MUC12: variants seen among roughly 807,000 people sequenced by gnomAD.
MUC12 encodes mucin-12.
A neutral mutation model predicts 230.8 loss-of-function variants in MUC12; 172 were observed. The ratio of observed to expected loss-of-function variants is 0.75; its 90% CI spans 0.66 to 0.85. The LOEUF is 0.85. Ranked by LOEUF, MUC12 falls within the 40% of genes least tolerant of loss-of-function variation. MUC12 has a pLI of 0.00. For synonymous variants in MUC12, 1,259 were observed against 2,401.9 expected (o/e 0.52, Z 13.91); for missense variants, 3,506 against 5,920.6 (o/e 0.59, Z 13.38).
At chr7:101,005,756 T>A (rs1482673928) in intron 2 of MUC12, among the ~76,000 whole-genome samples, 1 of 151,954 alleles carries the variant, frequency 6.6e-6, no homozygotes, top group African/African-American at 2.4e-5. Context: ...GTGGTTTTAT[T>A]TATGTATTTA....
chr7:100,984,023 G>A (rs562622790), intron 1 of MUC12, among the ~76,000 whole-genome samples: 22 of 152,178 alleles, frequency 1.4e-4, no homozygotes, highest in African/African-American at 4.6e-4. Flanking sequence ...CTGTCTCCTC[G>A]TTGTACTGAG....
In MUC12 at chr7:101,004,362, A is replaced by T. The variant is rs772054062; in HGVS notation, c.13799A>T (p.Glu4600Val). The T allele has an allele frequency of 1.4e-6, 2 of 1,423,542 alleles. No homozygotes were observed. The highest frequency in any genetic ancestry group is 1.9e-6 in the Non-Finnish European group (2 of 1,077,638). 88.2% of individuals were successfully genotyped at this position (1,423,542 alleles called of 1,614,324 possible). A position where few individuals can be genotyped will look rare whatever the true frequency, so the allele number is the denominator to read the frequency against. ...PARSTTSGLV[E>V]ESTAYHSSPG... ...CGCTCCACAACCTCAGGCCTCGTTG[A>T]AGAATCTACGGCGTACCACAGCAGC... The change falls in exon 2 of 12, where the codon GAA (glutamate) becomes GTA (valine). Residue 4600 changes from glutamate to valine, a missense_variant. Glu to Val is a moderately radical substitution (Grantham distance 121). Transcript: ENST00000536621.
intron 9 of MUC12, chr7:101,015,404 A>C: frequency 1.8e-6 from 1 of 571,404 alleles, no homozygotes; most frequent in Non-Finnish European, 3.1e-6. Context: ...CACTAAAGGG[A>C]GTGAGGGGCA....
In MUC12 at chr7:101,013,213, C is replaced by T. The variant is rs1793863798; in HGVS notation, c.15638+71C>T. On this transcript the variant is annotated intron_variant, in intron 8 of 11. Coordinates refer to ENST00000536621, the MANE Select transcript of MUC12 (RefSeq NM_001164462.2). Reference sequence around the variant, plus strand: ...GGCCCTCCCCCTCCCCAGCAGTCACCCACAGGGTTGGGGGATTGAGTAGAG... The same window carrying T: ...GGCCCTCCCCCTCCCCAGCAGTCACTCACAGGGTTGGGGGATTGAGTAGAG... 6.0e-6 allele frequency: 9 copies of T among 1,505,622 alleles called. No homozygotes were observed. In the African/African-American group the frequency reaches 8.3e-5, roughly 14 times the overall value. 93.3% of individuals were successfully genotyped at this position (1,505,622 alleles called of 1,614,324 possible).
rs1793341725 is a variant in MUC12, at chr7:100,992,411, C to A, written c.1848C>A (p.His616Gln). The A allele has an allele frequency of 6.5e-7, 1 of 1,537,542 alleles. No individual in the cohort carries two copies. Among genetic ancestry groups the A allele is most frequent in the African/African-American group, 1.4e-5 (1 of 73,150 alleles). Residue 616 changes from histidine to glutamine, a missense_variant, in exon 2 of 12, where the codon CAC (histidine) becomes CAA (glutamine). Physicochemically the swap from His to Gln is conservative, Grantham distance 24. Coordinates refer to ENST00000536621, the MANE Select transcript of MUC12 (RefSeq NM_001164462.2). Reference protein sequence around the residue: ...MPVHSSTRSPHTTLSPAGSTT... With the variant: ...MPVHSSTRSPQTTLSPAGSTT... Reference sequence around the variant, plus strand: ...TCCACAGCAGCACCAGATCGCCACACACAACACTGTCCCCTGCCGGCTCTA... The same window carrying A: ...TCCACAGCAGCACCAGATCGCCACAAACAACACTGTCCCCTGCCGGCTCTA...
Position 101,004,617 on chromosome 7 carries a change from C to T in MUC12, c.14054C>T (p.Ala4685Val), listed in dbSNP as rs577253272. 59 of 1,536,834 alleles carry T rather than the reference C, an allele frequency of 3.8e-5. No homozygotes were observed. In the South Asian group the frequency reaches 6.7e-4, roughly 17 times the overall value. ...TTSGRSEESTASHSSPDTNGI... is the reference protein window; with the variant it reads ...TTSGRSEESTVSHSSPDTNGI... ...TCCGGCCGTAGTGAGGAATCAACAG[C>T]ATCCCACAGCAGCCCAGATACAAAT... is the stretch of plus-strand genomic sequence containing the variant. The change falls in exon 2 of 12, where the codon GCA becomes GTA. Residue 4685 changes from alanine to valine, a missense_variant. Transcript: ENST00000536621.
intron 1 of MUC12, among the ~76,000 whole-genome samples, chr7:100,986,654 C>T (rs770009745): frequency 8.5e-5 from 13 of 152,252 alleles, no homozygotes; most frequent in South Asian, 2.1e-4. Context: ...TTTCATGACT[C>T]GGTAAAACTG....
chr7:101,018,447 T>TC, intron 11 of MUC12, 148 bp from the exon 12 acceptor site: 1 of 10,060 alleles, frequency 9.9e-5, no homozygotes, highest in Non-Finnish European at 2.2e-4. Flanking sequence ...CGCCACTCCC[T>TC]CCTCTCCCTA....
intron 1 of MUC12, among the ~76,000 whole-genome samples, chr7:100,981,688 G>A (rs1793108579): frequency 6.6e-6 from 1 of 152,094 alleles, no homozygotes; most frequent in African/African-American, 2.4e-5. Flanking sequence ...AAAATGGTAT[G>A]AATCCAGGAA....
intron 1 of MUC12, among the ~76,000 whole-genome samples, chr7:100,983,783 C>T (rs926370578): frequency 1.3e-5 from 2 of 152,126 alleles, no homozygotes; most frequent in Non-Finnish European, 2.9e-5. Flanking sequence ...CCATAAACGT[C>T]CTTTATATGC....
Position 101,004,674 on chromosome 7 carries a change from C to G in MUC12, c.14111C>G (p.Thr4704Ser), listed in dbSNP as rs1366889325. 2.0e-6 allele frequency: 3 copies of G among 1,537,894 alleles called. No homozygotes were observed. The highest frequency in any genetic ancestry group is 2.0e-5 in the Admixed American group (1 of 51,006). ...ACACCCTTACCTGCCCATTTTACTACCTCAGGCCGCATTGCAGAATCTACC... is the reference window on the plus strand; with the variant it reads ...ACACCCTTACCTGCCCATTTTACTAGCTCAGGCCGCATTGCAGAATCTACC... ...GITPLPAHFT[T>S]SGRIAESTTF... The change falls in exon 2 of 12, where the codon ACC becomes AGC. Residue 4704 changes from threonine to serine, a missense_variant. Thr to Ser is a moderately conservative substitution (Grantham distance 58, BLOSUM62 1). Coordinates refer to ENST00000536621, the MANE Select transcript of MUC12 (RefSeq NM_001164462.2).
At position 101,009,082 on chromosome 7, in the gene MUC12, T is replaced by C. The variant is rs375004644; in HGVS notation, c.15187-13T>C. 1.8e-5 allele frequency: 27 copies of C among 1,537,612 alleles called. No individual in the cohort carries two copies. In the African/African-American group the frequency reaches 3.4e-4, roughly 19 times the overall value. Reference sequence around the variant, plus strand: ...CTAGCTTTGTGTGACCTTCGCTGCCTTGTTTCTTTCAGATGGATGTCGTTT... The same window carrying C: ...CTAGCTTTGTGTGACCTTCGCTGCCCTGTTTCTTTCAGATGGATGTCGTTT... On this transcript the variant is annotated splice_polypyrimidine_tract_variant and intron_variant, in intron 4 of 11. Coordinates refer to ENST00000536621, the MANE Select transcript of MUC12 (RefSeq NM_001164462.2).
At position 101,005,322 on chromosome 7, in the gene MUC12, T is replaced by TA. The variant is rs1180835593; in HGVS notation, c.14760dup (p.Pro4921ThrfsTer39). The TA allele has an allele frequency of 6.5e-7, 1 of 1,537,700 alleles. No homozygotes were observed. The highest frequency in any genetic ancestry group is 1.4e-5 in the African/African-American group (1 of 73,006). On this transcript the variant is annotated frameshift_variant, in exon 2 of 12. Coordinates refer to ENST00000536621, the MANE Select transcript of MUC12 (RefSeq NM_001164462.2). LOFTEE classifies it high-confidence loss of function. ...TCAGACGCAACTGGAACAACACCCT[T>TA]ACCTGCCCGCTCCACAGCCTCAGAC...
In MUC12 at chr7:100,991,921, C is replaced by G. The variant is rs1486653211; in HGVS notation, c.1358C>G (p.Pro453Arg). ...GATGCAATGGCAACAACAGTCTTAC[C>G]TGCCGGCTCTACACCCTCAGTTCTT... ...SPDAMATTVL[P>R]AGSTPSVLVG... The change falls in exon 2 of 12, where the codon CCT (proline) becomes CGT (arginine). Residue 453 changes from proline to arginine, a missense_variant. Coordinates refer to ENST00000536621, the MANE Select transcript of MUC12 (RefSeq NM_001164462.2). The G allele has an allele frequency of 6.5e-7, 1 of 1,537,946 alleles. No homozygotes were observed. Among genetic ancestry groups the G allele is most frequent in the Admixed American group, 2.0e-5 (1 of 51,004 alleles).
intron 10 of MUC12, 152 bp from the exon 11 acceptor site, chr7:101,017,423 C>CTG (rs1793948897): frequency 1.7e-6 from 1 of 602,064 alleles, no homozygotes; most frequent in East Asian, 2.9e-5. Flanking sequence ...ACCCGCAGCC[C>CTG]AGTGATGCAG....
chr7:101,016,289 G>A (rs1793917878), intron 10 of MUC12, among the ~76,000 whole-genome samples: 1 of 152,058 alleles, frequency 6.6e-6, no homozygotes, highest in South Asian at 2.1e-4. Context: ...AATGGGGTGG[G>A]GGGTTGAGGG....
chr7:100,984,735 C>T lies in MUC12; in HGVS notation c.68-5896C>T, dbSNP rs1260303006. On this transcript the variant is annotated intron_variant, in intron 1 of 11. Coordinates refer to ENST00000536621, the MANE Select transcript of MUC12 (RefSeq NM_001164462.2). ...AAGTCCAGGCATGATATGCAGTCCACGTAGGTGAGCTGTAATGAGCTGATT... is the reference window on the plus strand; with the variant it reads ...AAGTCCAGGCATGATATGCAGTCCATGTAGGTGAGCTGTAATGAGCTGATT... Among the ~76,000 whole-genome samples the T allele has an allele frequency of 4.6e-5, 7 of 152,278 alleles. No individual in the cohort carries two copies. The South Asian group carries it at 8.3e-4, about 18-fold the overall frequency.
At chr7:100,970,478 A>T (rs987304262) in intron 1 of MUC12, among the ~76,000 whole-genome samples, 1 of 149,734 alleles carries the variant, frequency 6.7e-6, no homozygotes, top group Non-Finnish European at 1.5e-5. Context: ...TAAGAGCAAA[A>T]CACTGCCAAA....
In MUC12 at chr7:101,018,863, G is replaced by GGCACCCCT. The variant is rs1000056282; in HGVS notation, c.*229_*236dup. On this transcript the variant is annotated 3_prime_UTR_variant, in exon 12 of 12. Transcript: ENST00000536621. ...GAGCTTCCAGACTCCCAGAAGCCTCGGCACCCCTGTCTCCTCCTGGGTGGC... is the reference window on the plus strand; with the variant it reads ...GAGCTTCCAGACTCCCAGAAGCCTCGGCACCCCTGCACCCCTGTCTCCTCCTGGGTGGC... 2.1e-6 allele frequency: 1 copy of GGCACCCCT among 477,138 alleles called. No homozygotes were observed. The highest frequency in any genetic ancestry group is 2.0e-5 in the African/African-American group (1 of 49,326). 29.6% of individuals were successfully genotyped at this position (477,138 alleles called of 1,614,324 possible).
Sources: gnomAD v4.1 joint callset for allele counts (sites outside exome capture counted in the v4.1 genomes callset) on GRCh38, gnomAD v4.1.1 for gene constraint, MANE v1.5 for transcripts, NCBI Gene and HGNC (gene_info 2026-07-23, HGNC 2026-07-21) for gene names.